OTUD7A: variants seen among roughly 807,000 people sequenced by gnomAD.
The protein encoded by OTUD7A is OTU domain-containing protein 7A.
In OTUD7A, 12 loss-of-function variants were observed where a neutral mutation model predicts 65.7. That is an observed-to-expected ratio of 0.18 (90% CI 0.12 to 0.30). The LOEUF is 0.30. Ranked by LOEUF, OTUD7A falls within the 10% of genes least tolerant of loss-of-function variation. The pLI, the probability that OTUD7A is intolerant of heterozygous loss-of-function variation, is 1.00. For missense variants in OTUD7A, 1,148 were observed against 1,304.8 expected, an observed-to-expected ratio of 0.88 and a Z score of 1.85; for synonymous variants, 641 against 586.3, an observed-to-expected ratio of 1.09 and a Z score of -1.35.
chr15:31,544,282 A>G lies in OTUD7A; in HGVS notation c.551-13474T>C, dbSNP rs150125814. On this transcript the variant is annotated intron_variant, in intron 5 of 12. Transcript: ENST00000307050. ...AACCTTAAATACTTGCAAGAGTTAA[A>G]AAGAAAGGCTAGGAATTAATGAATT... is the stretch of plus-strand genomic sequence containing the variant. Among the ~76,000 whole-genome samples, 645 of 151,988 alleles carry G rather than the reference A, an allele frequency of 4.2e-3. 7 individuals are homozygous for G. Among genetic ancestry groups the G allele is most frequent in the African/African-American group, 0.015 (607 of 41,552 alleles).
At chr15:31,735,118 T>C (rs1043266995) in intron 1 of OTUD7A, among the ~76,000 whole-genome samples, 1 of 152,152 alleles carries the variant, frequency 6.6e-6, no homozygotes, top group Non-Finnish European at 1.5e-5. Flanking sequence ...AAGACATACA[T>C]GTAGTCAACA....
Position 31,649,708 on chromosome 15 carries a change from T to C in OTUD7A, c.151+5388A>G, listed in dbSNP as rs372420146. On this transcript the variant is annotated intron_variant, in intron 3 of 12. Coordinates refer to ENST00000307050, the MANE Select transcript of OTUD7A (RefSeq NM_001382637.1). ...GAAAGCCAAAGGCAGGACCCAGCAG[T>C]GGGTGAGGTGAGTGAGCACTCACCA... The C allele has an allele frequency of 6.9e-3, 2,869 of 412,870 alleles. 48 individuals are homozygous for C. The highest frequency in any genetic ancestry group is 0.038 in the African/African-American group (1,855 of 48,904). The allele number at this position is 412,870 out of a possible 1,614,324, so 25.6% of individuals were successfully genotyped here. A position where few individuals can be genotyped will look rare whatever the true frequency, so the allele number is the denominator to read the frequency against.
chr15:31,862,468 C>T (rs1897767544), intron 1 of OTUD7A, among the ~76,000 whole-genome samples: 1 of 152,156 alleles, frequency 6.6e-6, no homozygotes, highest in Non-Finnish European at 1.5e-5. Flanking sequence ...TTTAATTGGA[C>T]TTACAGTTCC....
intron 1 of OTUD7A, among the ~76,000 whole-genome samples, chr15:31,749,121 C>T (rs1488153348): frequency 7.9e-6 from 1 of 126,422 alleles, no homozygotes; most frequent in African/African-American, 3.2e-5. Flanking sequence ...GGGAACATCA[C>T]ACCGGGGCCT....
intron 3 of OTUD7A, among the ~76,000 whole-genome samples, chr15:31,637,166 C>T (rs1269848742): frequency 6.6e-6 from 1 of 152,226 alleles, no homozygotes; most frequent in African/African-American, 2.4e-5. Context: ...GAGAATAAGT[C>T]TCTGCCTGGC....
intron 1 of OTUD7A, among the ~76,000 whole-genome samples, chr15:31,864,284 C>T (rs865909352): frequency 3.9e-5 from 6 of 152,160 alleles, no homozygotes; most frequent in Admixed American, 3.3e-4. Context: ...TCCACATTTT[C>T]GAGTATCTTT....
At chr15:31,844,172 A>C (rs1399308195) in intron 1 of OTUD7A, among the ~76,000 whole-genome samples, 1 of 152,224 alleles carries the variant, frequency 6.6e-6, no homozygotes, top group Non-Finnish European at 1.5e-5. Context: ...CCAGGCACCC[A>C]CACTGACACA....
intron 3 of OTUD7A, among the ~76,000 whole-genome samples, chr15:31,640,860 ATG>A (rs1566956334): frequency 2.0e-5 from 3 of 152,162 alleles, no homozygotes; most frequent in South Asian, 2.1e-4. Context: ...GTGTGTGTGT[ATG>A]TGTGTGTGCC....
intron 1 of OTUD7A, among the ~76,000 whole-genome samples, chr15:31,794,819 G>A (rs1168863545): frequency 6.6e-6 from 1 of 152,062 alleles, no homozygotes; most frequent in Non-Finnish European, 1.5e-5. Flanking sequence ...AATAAATACA[G>A]TTATTGTTTC....
chr15:31,803,021 G>A (rs1164114766), intron 1 of OTUD7A, among the ~76,000 whole-genome samples: 1 of 152,214 alleles, frequency 6.6e-6, no homozygotes, highest in Non-Finnish European at 1.5e-5. Flanking sequence ...GGGAGAGAAG[G>A]ATCAAGGGGC....
At chr15:31,536,263 T>C (rs1397406392) in intron 5 of OTUD7A, among the ~76,000 whole-genome samples, 1 of 152,254 alleles carries the variant, frequency 6.6e-6, no homozygotes, top group East Asian at 1.9e-4. Flanking sequence ...CTCATTTACA[T>C]GTTAGGCAGG....
rs2141055286 is a variant in OTUD7A at position 31,481,273 on chromosome 15, G to A, written c.*2021C>T. 6.6e-6 allele frequency: 1 copy of A among 152,312 alleles called. No homozygotes were observed. The highest frequency in any genetic ancestry group is 1.9e-4 in the East Asian group (1 of 5,182). The allele number at this position is 152,312 out of a possible 1,614,324, so 9.4% of individuals were successfully genotyped here. A position where few individuals can be genotyped will look rare whatever the true frequency, so the allele number is the denominator to read the frequency against. On this transcript the variant is annotated 3_prime_UTR_variant, in exon 13 of 13. Coordinates refer to ENST00000307050, the MANE Select transcript of OTUD7A (RefSeq NM_001382637.1). ...ATTATTGGAGCATTTTTAAGGTTGGGTGTCTCAATCTTTTAAGAGTGACGA... is the reference window on the plus strand; with the variant it reads ...ATTATTGGAGCATTTTTAAGGTTGGATGTCTCAATCTTTTAAGAGTGACGA...
intron 1 of OTUD7A, among the ~76,000 whole-genome samples, chr15:31,860,692 T>C (rs536534564): frequency 1.5e-5 from 2 of 130,596 alleles, no homozygotes; most frequent in African/African-American, 5.6e-5. Context: ...TATATATATA[T>C]ATATATATGT....
chr15:31,648,594 G>A lies in OTUD7A; in HGVS notation c.151+6502C>T, dbSNP rs1394042425. On this transcript the variant is annotated intron_variant, in intron 3 of 12. Transcript: ENST00000307050. ...ATCACAAATTTGCAGACAAAGCTTC[G>A]TCTCCTTAACCCATTGTAAATCAGA... Among the ~76,000 whole-genome samples, 5 of 152,206 alleles carry A rather than the reference G, an allele frequency of 3.3e-5. No individual in the cohort carries two copies. The East Asian group carries it at 5.8e-4, about 18-fold the overall frequency.
chr15:31,576,543 A>T (rs964437718), intron 3 of OTUD7A, among the ~76,000 whole-genome samples: 2 of 152,180 alleles, frequency 1.3e-5, no homozygotes, highest in African/African-American at 4.8e-5. Context: ...GACAAAACAA[A>T]TGTACGTCTT....
chr15:31,665,905 C>T (rs564807296), intron 1 of OTUD7A, among the ~76,000 whole-genome samples: 54 of 152,104 alleles, frequency 3.6e-4, no homozygotes, highest in East Asian at 7.7e-4. Context: ...CTGCATCTAT[C>T]GAGACGATCA....
chr15:31,528,422 G>A (rs1162887884), intron 6 of OTUD7A, among the ~76,000 whole-genome samples: 1 of 152,240 alleles, frequency 6.6e-6, no homozygotes, highest in Admixed American at 6.5e-5. Context: ...GGGGGCTCTC[G>A]AGGGAACTGT....
intron 3 of OTUD7A, among the ~76,000 whole-genome samples, chr15:31,648,654 A>G (rs1308902777): frequency 1.3e-5 from 2 of 152,112 alleles, no homozygotes; most frequent in Non-Finnish European, 2.9e-5. Context: ...TATGCCCTCC[A>G]CCCCACATCT....
In OTUD7A at chr15:31,578,706, T is replaced by C. The variant is rs541084667; in HGVS notation, c.152-8509A>G. ...AGCTGGGACTACAGGCGCCTGCCAC[T>C]ACGCCCAGCTACTTTTTGTATTTTT... On this transcript the variant is annotated intron_variant, in intron 3 of 12. Coordinates refer to ENST00000307050, the MANE Select transcript of OTUD7A (RefSeq NM_001382637.1). Among the ~76,000 whole-genome samples, 6 of 152,256 alleles carry C rather than the reference T, an allele frequency of 3.9e-5. No homozygotes were observed. In the South Asian group the frequency reaches 1.2e-3, roughly 32 times the overall value.
Sources: allele counts gnomAD v4.1 joint callset (sites outside exome capture counted in the v4.1 genomes callset), GRCh38; gene constraint gnomAD v4.1.1; transcripts MANE v1.5; gene names NCBI Gene and HGNC (gene_info 2026-07-23, HGNC 2026-07-21).